EPC2: variants seen among roughly 807,000 people sequenced by gnomAD.
The protein encoded by EPC2 is enhancer of polycomb 2.
A neutral mutation model predicts 92.1 loss-of-function variants in EPC2; 14 were observed. The observed-to-expected ratio is 0.15, with a 90% CI of 0.10 to 0.24. The LOEUF is 0.24. EPC2 is among the 10% of genes least tolerant of loss of function. EPC2 has a pLI of 1.00. For synonymous variants in EPC2, 340 were observed against 334.7 expected (o/e 1.02, Z -0.17); for missense variants, 755 against 971.5 (o/e 0.78, Z 2.96).
intron 2 of EPC2, among the ~76,000 whole-genome samples, chr2:148,708,671 G>C (rs1469722507): frequency 6.6e-6 from 1 of 152,192 alleles, no homozygotes; most frequent in Non-Finnish European, 1.5e-5. Flanking sequence ...TCATCCCTGG[G>C]ATGCAAGGCT....
At chr2:148,664,234 C>A (rs1681013917) in intron 1 of EPC2, among the ~76,000 whole-genome samples, 1 of 152,188 alleles carries the variant, frequency 6.6e-6, no homozygotes. Context: ...CACAGTGGCT[C>A]ACACCTGTAA....
intron 2 of EPC2, among the ~76,000 whole-genome samples, chr2:148,702,892 A>G (rs1681917823): frequency 6.6e-6 from 1 of 152,168 alleles, no homozygotes; most frequent in African/African-American, 2.4e-5. Context: ...TGGTGGCCCA[A>G]GACAATTCTT....
intron 1 of EPC2, among the ~76,000 whole-genome samples, chr2:148,676,095 A>G (rs1298233114): frequency 6.6e-6 from 1 of 151,624 alleles, no homozygotes; most frequent in African/African-American, 2.4e-5. Flanking sequence ...CTTGGTACTC[A>G]TTGTGTATGA....
intron 10 of EPC2, among the ~76,000 whole-genome samples, chr2:148,779,655 A>T (rs527342456): frequency 4.6e-5 from 7 of 152,356 alleles, no homozygotes; most frequent in African/African-American, 1.7e-4. Context: ...CAACTGACTT[A>T]AAAGATTTTA....
At chr2:148,748,084 C>T (rs1342706405) in intron 3 of EPC2, among the ~76,000 whole-genome samples, 2 of 152,028 alleles carry the variant, frequency 1.3e-5, no homozygotes, top group Non-Finnish European at 2.9e-5. Context: ...ATAGTGAGTT[C>T]TCACAAGATC....
In EPC2 at chr2:148,784,992, G is replaced by A. The variant is rs944072664; in HGVS notation, c.2342G>A (p.Ser781Asn). The change falls in exon 13 of 14, where the codon AGC becomes AAC. Residue 781 changes from serine (S) to asparagine (N), a missense_variant. Physicochemically the swap from Ser to Asn is conservative, Grantham distance 46 (BLOSUM62 1). Transcript: ENST00000258484. ...GTTACTCCCAGCAGTGCCATCAGCA[G>A]CATAGCAAGGTGTGTGTGTGTGTTT... ...PKVTPSSAIS[S>N]IARENHEPER... 6.6e-7 allele frequency: 1 copy of A among 1,512,646 alleles called. No homozygotes were observed. Among genetic ancestry groups the A allele is most frequent in the Non-Finnish European group, 8.9e-7 (1 of 1,129,794 alleles). 93.7% of individuals were successfully genotyped at this position (1,512,646 alleles called of 1,614,324 possible).
chr2:148,654,295 A>G (rs1290238901), intron 1 of EPC2, among the ~76,000 whole-genome samples: 8 of 152,218 alleles, frequency 5.3e-5, no homozygotes, highest in African/African-American at 1.9e-4. Flanking sequence ...TATAGGCAAC[A>G]CTCATTTTTT....
chr2:148,773,709 A>T (rs181529304), intron 10 of EPC2, among the ~76,000 whole-genome samples: 16 of 152,252 alleles, frequency 1.1e-4, no homozygotes, highest in African/African-American at 3.8e-4. Context: ...AGCATTTTTT[A>T]AAATAATTGA....
chr2:148,726,898 AT>A (rs1222547026), intron 2 of EPC2, among the ~76,000 whole-genome samples: 2 of 149,152 alleles, frequency 1.3e-5, no homozygotes, highest in East Asian at 3.9e-4. Context: ...CAGTCTGTTG[AT>A]TGTTTCCTTT....
chr2:148,739,094 C>T (rs568162308), intron 2 of EPC2, among the ~76,000 whole-genome samples: 11 of 152,188 alleles, frequency 7.2e-5, no homozygotes, highest in Non-Finnish European at 1.5e-4. Context: ...CAGTTCGTCA[C>T]TCCTTCCTTG....
intron 1 of EPC2, among the ~76,000 whole-genome samples, chr2:148,666,751 C>T (rs1247742477): frequency 2.0e-5 from 3 of 152,216 alleles, no homozygotes; most frequent in Admixed American, 2.0e-4. Flanking sequence ...TTGTCTGGTT[C>T]CATCCCAGGC....
intron 2 of EPC2, among the ~76,000 whole-genome samples, chr2:148,738,857 G>A (rs1027298690): frequency 2.6e-5 from 4 of 152,130 alleles, no homozygotes; most frequent in African/African-American, 9.7e-5. Flanking sequence ...TGAGATATTT[G>A]GCCTTCATGG....
intron 1 of EPC2, among the ~76,000 whole-genome samples, chr2:148,666,908 C>G (rs1312524414): frequency 6.7e-6 from 1 of 148,594 alleles, no homozygotes; most frequent in Non-Finnish European, 1.5e-5. Context: ...GTATTTCCTT[C>G]TAAAATGCTG....
chr2:148,662,674 G>T (rs1199390224), intron 1 of EPC2, among the ~76,000 whole-genome samples: 2 of 152,036 alleles, frequency 1.3e-5, no homozygotes, highest in Non-Finnish European at 2.9e-5. Flanking sequence ...TTGTGGGGTG[G>T]GGGGAGGCGG....
At chr2:148,706,441 G>T (rs1054415950) in intron 2 of EPC2, among the ~76,000 whole-genome samples, 1 of 152,100 alleles carries the variant, frequency 6.6e-6, no homozygotes, top group Non-Finnish European at 1.5e-5. Flanking sequence ...TTATCCAGGA[G>T]AACTTCCCCA....
At chr2:148,685,822 C>T (rs948045131) in intron 1 of EPC2, among the ~76,000 whole-genome samples, 10 of 152,202 alleles carry the variant, frequency 6.6e-5, no homozygotes, top group Admixed American at 2.0e-4. Context: ...TGGTCTATTA[C>T]GTATGCACTA....
intron 7 of EPC2, among the ~76,000 whole-genome samples, chr2:148,765,778 C>T (rs1003014908): frequency 6.6e-6 from 1 of 152,164 alleles, no homozygotes; most frequent in Non-Finnish European, 1.5e-5. Context: ...TGGCTCACTC[C>T]TATAATCCCA....
At chr2:148,724,101 T>TTATAATCTTATTCG (rs1574605655) in intron 2 of EPC2, among the ~76,000 whole-genome samples, 1 of 152,256 alleles carries the variant, frequency 6.6e-6, no homozygotes, top group East Asian at 1.9e-4. Flanking sequence ...TTTATACAAT[T>TTATAATCTTATTCG]TATAATCTTA....
In EPC2 at chr2:148,644,964, TCCCCGCCCG is replaced by T. The variant is rs1308041254; in HGVS notation, c.-46_-38del. On this transcript the variant is annotated 5_prime_UTR_variant, in exon 1 of 14. Transcript: ENST00000258484. ...GGAGGCGGCGGGAGTCCTCCCCCCC[TCCCCGCCCG>T]CCCCGCCGCCGCCGCCCGGGCTGTT... 4.3e-6 allele frequency: 4 copies of T among 934,332 alleles called. No individual in the cohort carries two copies. Among genetic ancestry groups the T allele is most frequent in the South Asian group, 1.4e-5 (1 of 72,200 alleles). 57.9% of individuals were successfully genotyped at this position (934,332 alleles called of 1,614,324 possible).
Sources: allele counts gnomAD v4.1 joint callset (sites outside exome capture counted in the v4.1 genomes callset), GRCh38; gene constraint gnomAD v4.1.1; transcripts MANE v1.5; gene names NCBI Gene and HGNC (gene_info 2026-07-23, HGNC 2026-07-21).